WWTR1: variants seen among roughly 807,000 people sequenced by gnomAD.
WWTR1 encodes WW domain containing transcription regulator 1, also known as WW domain-containing transcription regulator protein 1.
In WWTR1, 13 loss-of-function variants were observed where a neutral mutation model predicts 40.1. The observed-to-expected ratio is 0.32, with a 90% CI of 0.21 to 0.52. The LOEUF is 0.52. Ranked by LOEUF, WWTR1 falls within the 20% of genes least tolerant of loss-of-function variation. The probability of loss-of-function intolerance (pLI) is 0.97; values close to 1 mark genes in which losing one functional copy is unlikely to be tolerated. For synonymous variants in WWTR1, 230 were observed against 210.1 expected (o/e 1.09, Z -0.82); for missense variants, 436 against 523.1 (o/e 0.83, Z 1.63).
intron 2 of WWTR1, among the ~76,000 whole-genome samples, chr3:149,651,710 G>C (rs1457791180): frequency 6.6e-6 from 1 of 152,072 alleles, no homozygotes; most frequent in South Asian, 2.1e-4. Context: ...CTCATCCTTT[G>C]ATTGGCCCAG....
chr3:149,639,930 C>A (rs531530886), intron 2 of WWTR1, among the ~76,000 whole-genome samples: 1 of 141,508 alleles, frequency 7.1e-6, no homozygotes, highest in South Asian at 2.3e-4. Flanking sequence ...GGAGGTGGAG[C>A]TTGCAGTGAG....
intron 2 of WWTR1, among the ~76,000 whole-genome samples, chr3:149,581,464 C>G (rs1738151292): frequency 6.6e-6 from 1 of 152,116 alleles, no homozygotes; most frequent in African/African-American, 2.4e-5. Flanking sequence ...TTGAAAGTTT[C>G]CGGTCAGATT....
At chr3:149,671,774 A>G (rs1282840764) in intron 1 of WWTR1, among the ~76,000 whole-genome samples, 2 of 152,112 alleles carry the variant, frequency 1.3e-5, no homozygotes, top group Non-Finnish European at 2.9e-5. Context: ...ATCTTAATGT[A>G]CTATATTATT....
chr3:149,585,135 T>TGTGTGC (rs1294065471), intron 2 of WWTR1, among the ~76,000 whole-genome samples: 3 of 151,650 alleles, frequency 2.0e-5, no homozygotes, highest in African/African-American at 7.3e-5. Context: ...TGTGTGTGTG[T>TGTGTGC]GTGTGTGTGT....
chr3:149,626,023 T>C (rs2108096745), intron 2 of WWTR1, among the ~76,000 whole-genome samples: 1 of 152,244 alleles, frequency 6.6e-6, no homozygotes, highest in East Asian at 1.9e-4. Flanking sequence ...TAAACCATTC[T>C]TAGCAATGAG....
At chr3:149,685,851 T>C (rs536990426) in intron 1 of WWTR1, among the ~76,000 whole-genome samples, 21 of 152,350 alleles carry the variant, frequency 1.4e-4, no homozygotes, top group African/African-American at 4.3e-4. Flanking sequence ...ATATAACATA[T>C]GGTATTTGTT....
intron 6 of WWTR1, among the ~76,000 whole-genome samples, chr3:149,523,827 T>C (rs1169784629): frequency 1.3e-5 from 2 of 152,178 alleles, no homozygotes; most frequent in Non-Finnish European, 1.5e-5. Context: ...TTAACATTTC[T>C]CCCCTTGAGA....
intron 2 of WWTR1, among the ~76,000 whole-genome samples, chr3:149,584,049 T>C (rs1287597741): frequency 6.6e-6 from 1 of 152,198 alleles, no homozygotes; most frequent in Non-Finnish European, 1.5e-5. Flanking sequence ...TAAAATACTT[T>C]GACAATTGTT....
At chr3:149,574,821 G>A (rs549258207) in intron 2 of WWTR1, among the ~76,000 whole-genome samples, 1 of 151,748 alleles carries the variant, frequency 6.6e-6, no homozygotes, top group Non-Finnish European at 1.5e-5. Context: ...AAGGCCGGGG[G>A]CGGTGGCTCA....
chr3:149,654,850 G>A (rs991955556), intron 2 of WWTR1, among the ~76,000 whole-genome samples: 8 of 152,064 alleles, frequency 5.3e-5, no homozygotes, highest in South Asian at 4.1e-4. Context: ...GGGGCCAGGC[G>A]TGGTGGCTCA....
intron 1 of WWTR1, among the ~76,000 whole-genome samples, chr3:149,687,581 A>C (rs1009548557): frequency 6.6e-6 from 1 of 152,242 alleles, no homozygotes; most frequent in Non-Finnish European, 1.5e-5. Flanking sequence ...ACTATTTACT[A>C]TCATTTCCAT....
chr3:149,661,507 C>A (rs572065111), upstream of WWTR1: 1 of 151,776 alleles, frequency 6.6e-6, no homozygotes, highest in South Asian at 2.1e-4. Context: ...CTGCACCCTT[C>A]ACCTCCCAGG....
chr3:149,708,518 CTCTT>C lies in WWTR1; in HGVS notation n.585-5194_585-5191del, dbSNP rs573793204. ...CTTCTGGTAGCCACCATTCTACTTT[CTCTT>C]TCTATGAATTTGACCACTCTAGGTA... On this transcript the variant is annotated intron_variant and non_coding_transcript_variant, in intron 5 of 6. Transcript: ENST00000474080. Among the ~76,000 whole-genome samples the C allele has an allele frequency of 2.4e-4, 37 of 152,296 alleles. No homozygotes were observed. In the East Asian group the frequency reaches 4.8e-3, roughly 20 times the overall value.
Position 149,534,183 on chromosome 3 carries a change from A to AAAAAG in WWTR1, c.772-6219_772-6215dup, listed in dbSNP as rs372733013. Among the ~76,000 whole-genome samples, 121 of 152,276 alleles carry AAAAAG rather than the reference A, an allele frequency of 7.9e-4. 1 individual carries two copies. Among genetic ancestry groups the AAAAAG allele is most frequent in the Middle Eastern group, 3.4e-3 (1 of 294 alleles). ...AGACTCTGTCTAAAAAAAAAGAAAG[A>AAAAAG]AAAAGAAAAGAAAAGAAAAGAAAAA... On this transcript the variant is annotated intron_variant, in intron 4 of 6. Coordinates refer to ENST00000360632, the MANE Select transcript of WWTR1 (RefSeq NM_015472.6).
intron 4 of WWTR1, among the ~76,000 whole-genome samples, chr3:149,533,191 C>A (rs1735672549): frequency 6.6e-6 from 1 of 152,228 alleles, no homozygotes. Flanking sequence ...AACCTGCTTT[C>A]TGTCTCAAGA....
At chr3:149,572,730 G>T in intron 3 of WWTR1, 134 bp downstream of exon 3, 1 of 1,077,538 alleles carries the variant, frequency 9.3e-7, no homozygotes, top group Non-Finnish European at 1.3e-6. Flanking sequence ...GCCTGTTATC[G>T]CAGCACTTTG....
intron 4 of WWTR1, among the ~76,000 whole-genome samples, chr3:149,532,711 T>C (rs971834485): frequency 1.3e-5 from 2 of 152,134 alleles, no homozygotes; most frequent in African/African-American, 2.4e-5. Context: ...GAGGGTTTTG[T>C]TTTAAACTAA....
chr3:149,692,624 T>C (rs1044082049), intron 1 of WWTR1, among the ~76,000 whole-genome samples: 2 of 137,806 alleles, frequency 1.5e-5, no homozygotes, highest in Admixed American at 7.3e-5. Context: ...CCACTGTTTG[T>C]TTGTTTGTTT....
At chr3:149,653,510 A>T (rs997818051) in intron 2 of WWTR1, among the ~76,000 whole-genome samples, 1 of 152,218 alleles carries the variant, frequency 6.6e-6, no homozygotes, top group African/African-American at 2.4e-5. Context: ...TGCCCTAGTC[A>T]TTGTTACTCT....
Sources: allele counts gnomAD v4.1 joint callset (sites outside exome capture counted in the v4.1 genomes callset), GRCh38; gene constraint gnomAD v4.1.1; transcripts MANE v1.5; gene names NCBI Gene and HGNC (gene_info 2026-07-23, HGNC 2026-07-21).